ORC3: variants seen among roughly 807,000 people sequenced by gnomAD.
The protein encoded by ORC3 is homolog of latheo, Drosophila.
Under a neutral mutation model 100.7 loss-of-function variants are expected in ORC3, and 78 were observed. The ratio of observed to expected loss-of-function variants is 0.77; its 90% CI spans 0.65 to 0.94. The LOEUF (loss-of-function observed/expected upper bound fraction) is 0.94. ORC3 is among the 40% of genes least tolerant of loss of function. The pLI is 0.00. For missense variants in ORC3, 789 were observed against 823.9 expected (o/e 0.96, Z 0.52); for synonymous variants, 295 against 289.3 (o/e 1.02, Z -0.20).
intron 19 of ORC3, among the ~76,000 whole-genome samples, chr6:87,666,211 A>G (rs1190624252): frequency 6.6e-6 from 1 of 152,126 alleles, no homozygotes; most frequent in Non-Finnish European, 1.5e-5. Flanking sequence ...GGCTGACTGC[A>G]ACGTCCGCCT....
chr6:87,673,550 G>C, the ORC3 span, among the ~76,000 whole-genome samples: 2 of 152,064 alleles, frequency 1.3e-5, no homozygotes, highest in Non-Finnish European at 2.9e-5. Context: ...CCATTAAAAG[G>C]GGGTAGAATT....
At chr6:87,639,559 GC>G (rs1233403540) in intron 13 of ORC3, among the ~76,000 whole-genome samples, 6 of 152,152 alleles carry the variant, frequency 3.9e-5, no homozygotes, top group Non-Finnish European at 7.3e-5. Flanking sequence ...AGAGTAAGTA[GC>G]TGCCCCAGCC....
intron 11 of ORC3, among the ~76,000 whole-genome samples, chr6:87,633,019 T>C (rs1262275285): frequency 2.0e-5 from 3 of 152,214 alleles, no homozygotes; most frequent in African/African-American, 7.2e-5. Context: ...GGTATGTTCC[T>C]TGAGTATGCA....
chr6:87,657,833 G>A, intron 15 of ORC3, 88 bp from the exon 16 acceptor site: 1 of 659,652 alleles, frequency 1.5e-6, no homozygotes, highest in Admixed American at 2.3e-5. Context: ...AGGGCATCAG[G>A]TGCTTCTATA....
At chr6:87,675,510 G>A in the ORC3 span, 35 of 1,532,472 alleles carry the variant, frequency 2.3e-5, no homozygotes, top group Non-Finnish European at 3.2e-5. Flanking sequence ...CACAGAAGGG[G>A]TATTGGCATT....
At chr6:87,639,825 C>CAAAAAAAAAAAA (rs548788316) in intron 13 of ORC3, among the ~76,000 whole-genome samples, 5 of 58,742 alleles carry the variant, frequency 8.5e-5, no homozygotes, top group African/African-American at 3.3e-4. Context: ...GCCAAAAATA[C>CAAAAAAAAAAAA]AAAAAAAAAA....
chr6:87,663,191 C>A lies in ORC3; in HGVS notation c.1833+47C>A, dbSNP rs954927352. On this transcript the variant is annotated intron_variant, in intron 17 of 19. Coordinates refer to ENST00000392844, the MANE Select transcript of ORC3 (RefSeq NM_012381.4). ...CTGATAGTTTAGCTCAGACTCTGGG[C>A]GTCATTGTCATAAAAATATACTAAA... 8 of 1,460,336 alleles carry A rather than the reference C, an allele frequency of 5.5e-6. No individual in the cohort carries two copies. The East Asian group carries it at 1.8e-4, about 34-fold the overall frequency. The allele number at this position is 1,460,336 out of a possible 1,614,324, so 90.5% of individuals were successfully genotyped here.
rs562050826 is a variant in ORC3, at chr6:87,614,427, A to G, written c.874-1887A>G. Among the ~76,000 whole-genome samples, 53 of 152,112 alleles carry G rather than the reference A, an allele frequency of 3.5e-4. 1 individual carries two copies. The highest frequency in any genetic ancestry group is 2.8e-4 in the Non-Finnish European group (19 of 68,028). On this transcript the variant is annotated intron_variant, in intron 8 of 19. Transcript: ENST00000392844. The stretch of plus-strand genomic sequence containing the variant: ...GACATGCCCTGGAGATATTTTCTCC[A>G]TTGTTTTGGGGATTAACGTTTGGCT...
At chr6:87,597,320 G>A (rs190196189) in intron 2 of ORC3, among the ~76,000 whole-genome samples, 111 of 152,112 alleles carry the variant, frequency 7.3e-4, no homozygotes, top group African/African-American at 2.7e-3. Context: ...TTCCACTTGT[G>A]GCATCATGTT....
intron 11 of ORC3, among the ~76,000 whole-genome samples, chr6:87,627,668 A>C (rs1301610358): frequency 5.9e-5 from 9 of 152,114 alleles, no homozygotes; most frequent in Non-Finnish European, 1.5e-5. Context: ...ATCTATATGT[A>C]ATATTTATAA....
At chr6:87,654,049 G>A (rs1769480019) in intron 14 of ORC3, among the ~76,000 whole-genome samples, 1 of 152,092 alleles carries the variant, frequency 6.6e-6, no homozygotes, top group South Asian at 2.1e-4. Flanking sequence ...CAAATTTAGG[G>A]CAATTTTTTA....
the ORC3 span, among the ~76,000 whole-genome samples, chr6:87,677,376 ACAT>A: frequency 6.6e-6 from 1 of 152,236 alleles, no homozygotes; most frequent in Non-Finnish European, 1.5e-5. Flanking sequence ...ATGTTACCAT[ACAT>A]AATAAATTTT....
intron 11 of ORC3, among the ~76,000 whole-genome samples, chr6:87,634,006 G>A (rs377041907): frequency 4.6e-5 from 7 of 151,766 alleles, no homozygotes; most frequent in South Asian, 2.1e-4. Context: ...GCTAGTTTTC[G>A]GTTGTGGGTT....
chr6:87,610,365 C>T (rs1299046843), intron 7 of ORC3, among the ~76,000 whole-genome samples: 3 of 151,592 alleles, frequency 2.0e-5, no homozygotes, highest in South Asian at 2.1e-4. Flanking sequence ...CCCGCTGCCA[C>T]GCCTAGCTAA....
intron 13 of ORC3, among the ~76,000 whole-genome samples, chr6:87,648,319 T>G (rs148391944): frequency 1.3e-3 from 194 of 152,370 alleles, no homozygotes; most frequent in African/African-American, 3.9e-3. Flanking sequence ...TTATATAACC[T>G]CGAAAACCAG....
chr6:87,653,448 C>T (rs1769432248), intron 14 of ORC3, among the ~76,000 whole-genome samples, 199 bp downstream of exon 14: 1 of 152,138 alleles, frequency 6.6e-6, no homozygotes, highest in South Asian at 2.1e-4. Context: ...TTGGTTTAAA[C>T]AATGGAGAGC....
chr6:87,598,288 G>T (rs368357732), intron 2 of ORC3, among the ~76,000 whole-genome samples: 27 of 152,236 alleles, frequency 1.8e-4, no homozygotes, highest in African/African-American at 6.5e-4. Flanking sequence ...CTCCCAAAGC[G>T]CTGGGATTAT....
intron 14 of ORC3, among the ~76,000 whole-genome samples, chr6:87,654,630 G>A (rs187170774): frequency 3.9e-5 from 6 of 152,250 alleles, no homozygotes; most frequent in South Asian, 4.2e-4. Flanking sequence ...ATATAAATAC[G>A]CCCTAATAGT....
At chr6:87,621,522 A>C in intron 10 of ORC3, 35 bp downstream of exon 10, 1 of 1,460,272 alleles carries the variant, frequency 6.8e-7, no homozygotes, top group Non-Finnish European at 9.2e-7. Context: ...CACATACTAT[A>C]CTAGAATTTG....
Sources: gnomAD v4.1 joint callset for allele counts (sites outside exome capture counted in the v4.1 genomes callset) on GRCh38, gnomAD v4.1.1 for gene constraint, MANE v1.5 for transcripts, NCBI Gene and HGNC (gene_info 2026-07-23, HGNC 2026-07-21) for gene names.